The following INPP4B variants were observed in gnomAD, a reference collection of about 807,000 sequenced individuals.
INPP4B encodes inositol polyphosphate 4-phosphatase type II.
A neutral mutation model predicts 122.5 loss-of-function variants in INPP4B; 55 were observed. The ratio of observed to expected loss-of-function variants is 0.45; its 90% CI spans 0.36 to 0.56. The LOEUF is 0.56. Ranked by LOEUF, INPP4B falls within the 20% of genes least tolerant of loss-of-function variation. The pLI is 0.00. For synonymous variants in INPP4B, 403 were observed against 388.7 expected, an observed-to-expected ratio of 1.04 and a Z score of -0.43; for missense variants, 1,000 against 1,097.7, an observed-to-expected ratio of 0.91 and a Z score of 1.26.
chr4:142,056,236 G>A (rs1269789579), intron 25 of INPP4B, among the ~76,000 whole-genome samples: 1 of 152,036 alleles, frequency 6.6e-6, no homozygotes, highest in Non-Finnish European at 1.5e-5. Context: ...AGGGGGTTGG[G>A]AACCCCTGCT....
intron 2 of INPP4B, among the ~76,000 whole-genome samples, chr4:142,581,476 AGAAG>A (rs1735045824): frequency 6.7e-6 from 1 of 150,162 alleles, no homozygotes; most frequent in African/African-American, 2.4e-5. Flanking sequence ...GGAAATAGAT[AGAAG>A]TTCCATTTCT....
intron 2 of INPP4B, among the ~76,000 whole-genome samples, chr4:142,698,253 T>A (rs1761272167): frequency 6.6e-6 from 1 of 152,040 alleles, no homozygotes; most frequent in African/African-American, 2.4e-5. Flanking sequence ...ATCATTTTTA[T>A]TGATTTGAAA....
chr4:142,712,584 T>G (rs1287657770), intron 2 of INPP4B, among the ~76,000 whole-genome samples: 1 of 151,896 alleles, frequency 6.6e-6, no homozygotes, highest in Non-Finnish European at 1.5e-5. Context: ...CCATTGTATA[T>G]CGAAAGAAAA....
chr4:142,312,369 T>C (rs751633045), intron 8 of INPP4B, among the ~76,000 whole-genome samples: 1 of 152,068 alleles, frequency 6.6e-6, no homozygotes, highest in African/African-American at 2.4e-5. Flanking sequence ...CTCTTAATCA[T>C]CCCCCAGGAA....
intron 2 of INPP4B, among the ~76,000 whole-genome samples, chr4:142,563,907 T>C (rs1731008361): frequency 6.6e-6 from 1 of 152,170 alleles, no homozygotes; most frequent in Non-Finnish European, 1.5e-5. Context: ...GCCTTTTCAC[T>C]GACCAGCAGC....
chr4:142,565,338 G>A lies in INPP4B; in HGVS notation c.-190-102612C>T, dbSNP rs553913731. On this transcript the variant is annotated intron_variant, in intron 2 of 25. Transcript: ENST00000262992. ...AATAGGCACATTTCAAAAAGACAAA[G>A]TAGCCAACTTGATTGGTGATCCTAA... Among the ~76,000 whole-genome samples, 15 of 152,252 alleles carry A rather than the reference G, an allele frequency of 9.9e-5. No homozygotes were observed. In the South Asian group the frequency reaches 2.1e-3, roughly 21 times the overall value.
At chr4:142,142,553 T>A (rs1359177598) in intron 18 of INPP4B, among the ~76,000 whole-genome samples, 5 of 152,002 alleles carry the variant, frequency 3.3e-5, no homozygotes, top group Non-Finnish European at 5.9e-5. Context: ...CTAGAGCTTC[T>A]TATGGTGCCA....
chr4:142,259,528 T>G (rs991774687), intron 11 of INPP4B, among the ~76,000 whole-genome samples: 11 of 151,336 alleles, frequency 7.3e-5, no homozygotes, highest in African/African-American at 2.7e-4. Context: ...TGGAAAAAAT[T>G]GTTATAATTG....
At position 142,186,428 on chromosome 4, in the gene INPP4B, T is replaced by C. The variant is rs181145001; in HGVS notation, c.1181+6659A>G. ...CTACACTGGGAGCGGAGTCTATGAA[T>C]TGTCTGAGATGAAAGTTTCTGCCTG... On this transcript the variant is annotated intron_variant, in intron 15 of 25. Coordinates refer to ENST00000262992, the MANE Select transcript of INPP4B (RefSeq NM_001101669.3). 7.9e-5 allele frequency among the ~76,000 whole-genome samples: 12 copies of C among 152,296 alleles called. No homozygotes were observed. In the East Asian group the frequency reaches 2.3e-3, roughly 29 times the overall value.
chr4:142,248,201 G>A (rs1051555579), intron 11 of INPP4B, among the ~76,000 whole-genome samples: 5 of 151,994 alleles, frequency 3.3e-5, no homozygotes, highest in African/African-American at 1.2e-4. Context: ...ATCAGTGAAT[G>A]GATTACATCT....
intron 9 of INPP4B, among the ~76,000 whole-genome samples, chr4:142,303,262 C>T (rs1235442516): frequency 6.6e-6 from 1 of 151,908 alleles, no homozygotes; most frequent in Non-Finnish European, 1.5e-5. Flanking sequence ...TAAGAAGCCC[C>T]CAAAGAAACA....
At chr4:142,636,809 C>A (rs1749259059) in intron 2 of INPP4B, among the ~76,000 whole-genome samples, 1 of 151,784 alleles carries the variant, frequency 6.6e-6, no homozygotes, top group African/African-American at 2.4e-5. Context: ...CTGGTATTTC[C>A]TGAAAATATT....
chr4:142,718,950 A>T (rs1560994138), intron 2 of INPP4B, among the ~76,000 whole-genome samples: 1 of 152,156 alleles, frequency 6.6e-6, no homozygotes, highest in Non-Finnish European at 1.5e-5. Context: ...GCCCCACCTC[A>T]CTATACCAAC....
At chr4:142,362,821 A>C (rs1006347151) in intron 7 of INPP4B, among the ~76,000 whole-genome samples, 1 of 151,992 alleles carries the variant, frequency 6.6e-6, no homozygotes, top group African/African-American at 2.4e-5. Context: ...AGCAATGGAC[A>C]TTGAGTTTTC....
At chr4:142,763,651 A>G (rs1357567566) in intron 1 of INPP4B, among the ~76,000 whole-genome samples, 1 of 152,148 alleles carries the variant, frequency 6.6e-6, no homozygotes, top group Admixed American at 6.5e-5. Flanking sequence ...TAAAGAACAA[A>G]TAAATAATAT....
chr4:142,173,838 C>T lies in INPP4B; in HGVS notation c.1182-29G>A, dbSNP rs1196631822. 6.4e-6 allele frequency: 10 copies of T among 1,556,870 alleles called. No individual in the cohort carries two copies. In the African/African-American group the frequency reaches 1.1e-4, roughly 17 times the overall value. The stretch of plus-strand genomic sequence containing the variant: ...CAACAACAAAGATAAAAATAAGTTA[C>T]ACAAACAGCATAATGAATGTTCAGC... On this transcript the variant is annotated intron_variant, in intron 15 of 25. Transcript: ENST00000262992.
At chr4:142,083,101 CAAA>C (rs33936815) in intron 24 of INPP4B, among the ~76,000 whole-genome samples, 1 of 126,444 alleles carries the variant, frequency 7.9e-6, no homozygotes, top group Non-Finnish European at 1.8e-5. Flanking sequence ...CACCCTGTCT[CAAA>C]AAAAAAAAAA....
intron 2 of INPP4B, among the ~76,000 whole-genome samples, chr4:142,714,061 A>G (rs1763446597): frequency 6.6e-6 from 1 of 152,250 alleles, no homozygotes; most frequent in Admixed American, 6.5e-5. Flanking sequence ...AGATTTCTTT[A>G]CAGCAAGATT....
chr4:142,816,802 C>CTATT (rs113347350), intron 1 of INPP4B, among the ~76,000 whole-genome samples: 50,906 of 151,578 alleles, frequency 0.34, 8,893 homozygotes, highest in African/African-American at 0.43. Context: ...CATTTAACAA[C>CTATT]TATTAAGTAC....
Sources: allele counts gnomAD v4.1 joint callset (sites outside exome capture counted in the v4.1 genomes callset), GRCh38; gene constraint gnomAD v4.1.1; transcripts MANE v1.5; gene names NCBI Gene and HGNC (gene_info 2026-07-23, HGNC 2026-07-21).